MAP3K13: variants seen among roughly 807,000 people sequenced by gnomAD.
MAP3K13 encodes mitogen-activated protein kinase kinase kinase 13, also known as leucine zipper-bearing kinase.
In MAP3K13, 52 loss-of-function variants were observed where a neutral mutation model predicts 104.0. The ratio of observed to expected loss-of-function variants is 0.50; its 90% CI spans 0.40 to 0.63. The LOEUF (loss-of-function observed/expected upper bound fraction) is 0.63. Ranked by LOEUF, MAP3K13 falls within the 20% of genes least tolerant of loss-of-function variation. The pLI is 0.00. For synonymous variants in MAP3K13, 394 were observed against 442.2 expected (o/e 0.89, Z 1.37); for missense variants, 914 against 1,218.5 (o/e 0.75, Z 3.72).
chr3:185,283,691 T>C (rs1217452506), intron 1 of MAP3K13, among the ~76,000 whole-genome samples: 3 of 152,140 alleles, frequency 2.0e-5, no homozygotes, highest in African/African-American at 4.8e-5. Flanking sequence ...TTCAGAAATG[T>C]GTCTTAGTAT....
chr3:185,315,817 A>C lies in MAP3K13; in HGVS notation c.-86+30174A>C, dbSNP rs1040132867. Reference sequence around the variant, plus strand: ...ATCAAGTGTTCAGAACAGTGGATTAATATATATTGCTATTATTATATTAAT... The same window carrying C: ...ATCAAGTGTTCAGAACAGTGGATTACTATATATTGCTATTATTATATTAAT... On this transcript the variant is annotated intron_variant, in intron 2 of 14. Coordinates refer to the MAP3K13 transcript ENST00000424227. This position sits in a 1 kb window ranked among gnomAD's most constrained non-coding sequence, Gnocchi z 4.3. Among the ~76,000 whole-genome samples the C allele has an allele frequency of 2.0e-5, 3 of 152,202 alleles. No individual in the cohort carries two copies. Among genetic ancestry groups the C allele is most frequent in the Non-Finnish European group, 4.4e-5 (3 of 68,028 alleles).
At position 185,473,318 on chromosome 3, in the gene MAP3K13, A is replaced by G; in HGVS notation, c.1987A>G (p.Ile663Val). Residue 663 changes from isoleucine (I) to valine (V), a missense_variant, in exon 11 of 14, where the codon ATA becomes GTA. Around this residue, in one of 3 missense-constraint regions of MAP3K13, gnomAD observed 583 missense variants for 737.4 expected, o/e 0.79. Transcript: ENST00000265026. This position sits in a 1 kb window ranked among gnomAD's most constrained non-coding sequence, Gnocchi z 4.9. ...CAGACTCAATATGCACGGACAGGAC[A>G]TAGCAACCTGCGCCAACAACCTGAG... ...HPRLNMHGQD[I>V]ATCANNLRYF... 1 of 1,614,232 alleles carries G rather than the reference A, an allele frequency of 6.2e-7. No individual in the cohort carries two copies.
At position 185,345,551 on chromosome 3, in the gene MAP3K13, C is replaced by T. The variant is rs1458606726; in HGVS notation, c.-86+59908C>T. Among the ~76,000 whole-genome samples, 9 of 152,136 alleles carry T rather than the reference C, an allele frequency of 5.9e-5. No homozygotes were observed. In the East Asian group the frequency reaches 9.6e-4, roughly 16 times the overall value. On this transcript the variant is annotated intron_variant, in intron 2 of 14. Coordinates refer to the MAP3K13 transcript ENST00000424227. ...TGAGTTCCCCCTCCTGTCAGATCAG[C>T]GGTGGCATTAGATTTTCATAGGAGC...
chr3:185,454,495 C>T (rs1264356340), intron 7 of MAP3K13, among the ~76,000 whole-genome samples: 3 of 87,936 alleles, frequency 3.4e-5, no homozygotes, highest in Admixed American at 1.5e-4. Flanking sequence ...GATATATATA[C>T]ATATATATGA....
intron 2 of MAP3K13, chr3:185,291,935 G>A (rs1234456008): frequency 1.8e-6 from 2 of 1,138,776 alleles, no homozygotes; most frequent in East Asian, 4.4e-5. Context: ...GTGTTCTGTG[G>A]CCATAAGTTT....
intron 2 of MAP3K13, among the ~76,000 whole-genome samples, chr3:185,333,713 G>C (rs1240677692): frequency 2.0e-5 from 3 of 151,948 alleles, no homozygotes; most frequent in African/African-American, 7.3e-5. Flanking sequence ...GGGCAACATA[G>C]CAAGACTTCA....
At chr3:185,454,754 GAGAT>G (rs1242975081) in intron 7 of MAP3K13, among the ~76,000 whole-genome samples, 1 of 15,834 alleles carries the variant, frequency 6.3e-5, no homozygotes, top group African/African-American at 1.1e-4. Context: ...TCATATATAT[GAGAT>G]ATATATGACA....
chr3:185,431,081 G>T (rs749025861), intron 2 of MAP3K13, among the ~76,000 whole-genome samples: 1 of 152,144 alleles, frequency 6.6e-6, no homozygotes, highest in Admixed American at 6.5e-5. Context: ...CAGATCTCGT[G>T]AGCACTCACT....
rs574417754 is a variant in MAP3K13 at position 185,485,226 on chromosome 3, C to T, written c.*2770C>T. The stretch of plus-strand genomic sequence containing the variant: ...AGACCTAGAGGGTTTCCGCACAGGG[C>T]TCATGGATTCGTTTCAAGAATTGAC... On this transcript the variant is annotated 3_prime_UTR_variant, in exon 14 of 14. Coordinates refer to ENST00000265026, the MANE Select transcript of MAP3K13 (RefSeq NM_004721.5). The T allele has an allele frequency of 6.6e-6, 1 of 152,292 alleles. No individual in the cohort carries two copies. Among genetic ancestry groups the T allele is most frequent in the African/African-American group, 2.4e-5 (1 of 41,556 alleles). The allele number at this position is 152,292 out of a possible 1,614,324, so 9.4% of individuals were successfully genotyped here. A position where few individuals can be genotyped will look rare whatever the true frequency, so the allele number is the denominator to read the frequency against.
rs1224721590 is a variant in MAP3K13 at position 185,324,177 on chromosome 3, A to AT, written c.-86+38543dup. On this transcript the variant is annotated intron_variant, in intron 2 of 14. Transcript: ENST00000424227. ...AGGCACCCGCCACCACGCCCGGCTAATTTTTTTTTATTTTTTATTTTTAGT... is the reference window on the plus strand; with the variant it reads ...AGGCACCCGCCACCACGCCCGGCTAATTTTTTTTTTATTTTTTATTTTTAGT... Among the ~76,000 whole-genome samples, 5 of 151,072 alleles carry AT rather than the reference A, an allele frequency of 3.3e-5. No homozygotes were observed. The South Asian group carries it at 6.3e-4, about 19-fold the overall frequency.
chr3:185,454,811 GAT>G lies in MAP3K13; in HGVS notation c.1278+3425_1278+3426del, dbSNP rs1374064164. On this transcript the variant is annotated intron_variant, in intron 7 of 13. Coordinates refer to ENST00000265026, the MANE Select transcript of MAP3K13 (RefSeq NM_004721.5). ...CATGATATATATGAGATATATACAT[GAT>G]ATATATATGAGATATATACATGATA... 2.1e-3 allele frequency among the ~76,000 whole-genome samples: 119 copies of G among 57,956 alleles called. 6 individuals are homozygous for G. The highest frequency in any genetic ancestry group is 5.6e-3 in the African/African-American group (90 of 15,934). 38.0% of individuals were successfully genotyped at this position (57,956 alleles called of 152,430 possible).
intron 1 of MAP3K13, among the ~76,000 whole-genome samples, chr3:185,422,832 G>A (rs545030471): frequency 1.2e-4 from 19 of 152,156 alleles, no homozygotes; most frequent in African/African-American, 4.3e-4. Context: ...GAACTGGGCG[G>A]AACAGCAGGA....
At chr3:185,468,724 G>C (rs1717603911) in intron 10 of MAP3K13, among the ~76,000 whole-genome samples, 2 of 152,138 alleles carry the variant, frequency 1.3e-5, no homozygotes, top group Admixed American at 1.3e-4. Flanking sequence ...TTCCAATTTT[G>C]CTTTTACCTT....
At chr3:185,361,110 G>A (rs1161377005), upstream of MAP3K13, among the ~76,000 whole-genome samples, 4 of 150,108 alleles carry the variant, frequency 2.7e-5, no homozygotes, top group African/African-American at 4.9e-5. Flanking sequence ...GTGTGTGTGT[G>A]TGTGTGTGTG....
At chr3:185,311,793 G>A (rs547231810) in intron 2 of MAP3K13, among the ~76,000 whole-genome samples, 22 of 152,196 alleles carry the variant, frequency 1.4e-4, no homozygotes, top group Non-Finnish European at 2.6e-4. Context: ...GCTTACCCAA[G>A]TAATCTACAA....
intron 5 of MAP3K13, chr3:185,448,167 A>G: frequency 1.5e-6 from 1 of 670,726 alleles, no homozygotes; most frequent in Non-Finnish European, 2.7e-6. Flanking sequence ...GTAAGTCACC[A>G]GTTTGGGGGA....
intron 1 of MAP3K13, among the ~76,000 whole-genome samples, chr3:185,364,493 T>G (rs7612872): frequency 6.6e-6 from 1 of 152,104 alleles, no homozygotes; most frequent in South Asian, 2.1e-4. Flanking sequence ...CAGGCTGCCA[T>G]GTTTACCTTG....
chr3:185,416,990 T>G (rs1327815518), intron 1 of MAP3K13, among the ~76,000 whole-genome samples: 2 of 152,080 alleles, frequency 1.3e-5, no homozygotes, highest in African/African-American at 4.8e-5. Context: ...TTAATAATAA[T>G]TTTTAAACCA....
chr3:185,418,522 C>A lies in MAP3K13; in HGVS notation c.-85-9975C>A. On this transcript the variant is annotated intron_variant, in intron 1 of 13. Coordinates refer to ENST00000265026, the MANE Select transcript of MAP3K13 (RefSeq NM_004721.5). The surrounding 1 kb of genome is among the most constrained non-coding windows in gnomAD (Gnocchi z 4.5). Reference sequence around the variant, plus strand: ...GTTTCCAAAAGCACCCTGGCCAGAGCGGTGAGTCCCACCACCTCGAACTCT... The same window carrying A: ...GTTTCCAAAAGCACCCTGGCCAGAGAGGTGAGTCCCACCACCTCGAACTCT... 1 of 1,612,080 alleles carries A rather than the reference C, an allele frequency of 6.2e-7. No homozygotes were observed. The highest frequency in any genetic ancestry group is 8.5e-7 in the Non-Finnish European group (1 of 1,179,854).
Sources: gnomAD v4.1 joint callset for allele counts (sites outside exome capture counted in the v4.1 genomes callset) on GRCh38, gnomAD v4.1.1 for gene constraint, gnomAD v4.1.1 regional missense constraint, Gnocchi (gnomAD v3.1) non-coding constraint, MANE v1.5 for transcripts, NCBI Gene and HGNC (gene_info 2026-07-23, HGNC 2026-07-21) for gene names.